Variants in TYMS observed in about 807,000 individuals in gnomAD.
TYMS encodes the protein thymidylate synthase.
A neutral mutation model predicts 39.3 loss-of-function variants in TYMS; 21 were observed. The observed-to-expected ratio is 0.54, with a 90% confidence interval of 0.38 to 0.77. TYMS has a LOEUF of 0.77. Among genes scored for constraint, TYMS ranks in the 30% least tolerant of loss-of-function variants. The pLI, the probability that TYMS is intolerant of heterozygous loss-of-function variation, is 0.00. For synonymous variants in TYMS, 171 were observed against 162.2 expected (o/e 1.05, Z -0.41); for missense variants, 273 against 406.7 (o/e 0.67, Z 2.83).
Position 670,828 on chromosome 18 carries a change from C to A in TYMS, c.693C>A (p.Ala231=), listed in dbSNP as rs1346141792. Residue 231 remains alanine, a synonymous_variant, in exon 5 of 7, where the codon GCC becomes GCA. Transcript: ENST00000323274. ...LGVPFNIASY[A]LLTYMIAHIT... The stretch of plus-strand genomic sequence containing the variant: ...TGCCTTTCAACATCGCCAGCTACGC[C>A]CTGCTCACGTACATGATTGCGCACA... 1.9e-6 allele frequency: 3 copies of A among 1,613,906 alleles called. No individual in the cohort carries two copies. The highest frequency in any genetic ancestry group is 1.3e-5 in the African/African-American group (1 of 74,866).
In TYMS at chr18:660,414, G is replaced by T. The variant is rs2074745348; in HGVS notation, c.279+700G>T. Among the ~76,000 whole-genome samples, 4 of 151,780 alleles carry T rather than the reference G, an allele frequency of 2.6e-5. No individual in the cohort carries two copies. The South Asian group carries it at 8.3e-4, about 32-fold the overall frequency. On this transcript the variant is annotated intron_variant, in intron 2 of 6. Transcript: ENST00000323274. The surrounding 1 kb of genome is among the most constrained non-coding windows in gnomAD (Gnocchi z 4.6). ...GAACATCACCATCTGATGTATGTCA[G>T]CCTTTCCCTTCCCCTGTTAGAAGGG...
At chr18:669,740 G>A (rs1205431358) in intron 4 of TYMS, among the ~76,000 whole-genome samples, 3 of 150,846 alleles carry the variant, frequency 2.0e-5, no homozygotes, top group Admixed American at 6.6e-5. Context: ...GGAAGCAGAT[G>A]AAGTTCCAGC....
chr18:658,281 G>A lies in TYMS; in HGVS notation c.205+334G>A, dbSNP rs765389767. The A allele has an allele frequency of 7.0e-7, 1 of 1,429,344 alleles. No individual in the cohort carries two copies. The highest frequency in any genetic ancestry group is 1.2e-5 in the South Asian group (1 of 82,292). The allele number at this position is 1,429,344 out of a possible 1,614,324, so 88.5% of individuals were successfully genotyped here. On this transcript the variant is annotated intron_variant, in intron 1 of 6. Transcript: ENST00000323274. This position sits in a 1 kb window ranked among gnomAD's most constrained non-coding sequence, Gnocchi z 4.5. Reference sequence around the variant, plus strand: ...GTTTGCCCAGTGCTGGAGGGTTAGGGAGAGCTGCCTGGGCTTGACCGCGCG... The same window carrying A: ...GTTTGCCCAGTGCTGGAGGGTTAGGAAGAGCTGCCTGGGCTTGACCGCGCG...
At chr18:668,424 A>G (rs991437119) in intron 3 of TYMS, among the ~76,000 whole-genome samples, 2 of 152,212 alleles carry the variant, frequency 1.3e-5, no homozygotes, top group South Asian at 2.1e-4. Flanking sequence ...AGAAGGAAGG[A>G]AAGGGATTAA....
At chr18:662,968 T>TA in intron 3 of TYMS, among the ~76,000 whole-genome samples, 1 of 146,850 alleles carries the variant, frequency 6.8e-6, no homozygotes, top group East Asian at 2.0e-4. Flanking sequence ...AGTGCCACAA[T>TA]AAACATACGT....
chr18:659,720 G>C lies in TYMS; in HGVS notation c.279+6G>C, dbSNP rs770017070. On this transcript the variant is annotated splice_donor_region_variant and intron_variant, in intron 2 of 6. Coordinates refer to ENST00000323274, the MANE Select transcript of TYMS (RefSeq NM_001071.4). The stretch of plus-strand genomic sequence containing the variant: ...AGTTGCTGTGGTTTATCAAGGTAAA[G>C]AAGTCGCTGCTATTAGAAGTCAGTA... The C allele has an allele frequency of 1.3e-5, 21 of 1,612,156 alleles. No homozygotes were observed. The East Asian group carries it at 4.7e-4, about 36-fold the overall frequency.
intron 3 of TYMS, among the ~76,000 whole-genome samples, chr18:667,992 A>ATTTTTTTTTTTTTTTTTTTTT (rs60409589): frequency 6.6e-5 from 7 of 105,364 alleles, no homozygotes; most frequent in African/African-American, 2.3e-4. Context: ...ATTCACAGGA[A>ATTTTTTTTTTTTTTTTTTTTT]TTTTTTTTTT....
rs1306585487 is a variant in TYMS, at chr18:667,547, TGATGGA to T, written c.455-1519_455-1514del. Among the ~76,000 whole-genome samples, 26 of 44,186 alleles carry T rather than the reference TGATGGA, an allele frequency of 5.9e-4. 2 individuals are homozygous for T. Among genetic ancestry groups the T allele is most frequent in the African/African-American group, 2.1e-3 (10 of 4,762 alleles). The allele number at this position is 44,186 out of a possible 152,430, so 29.0% of individuals were successfully genotyped here. A position where few individuals can be genotyped will look rare whatever the true frequency, so the allele number is the denominator to read the frequency against. On this transcript the variant is annotated intron_variant, in intron 3 of 6. Transcript: ENST00000323274. ...GTGATGGAGATGGTGATGGTGATGG[TGATGGA>T]GATGGTGATGGTGATGGAGATGGTG...
At chr18:662,367 G>C in intron 3 of TYMS, 47 bp downstream of exon 3, 1 of 1,531,896 alleles carries the variant, frequency 6.5e-7, no homozygotes, top group East Asian at 2.3e-5. Context: ...GCCCTTCCTA[G>C]CATGTGTTTG....
rs2074872356 is a variant in TYMS, at chr18:667,456, ATGATGGAGATGGT to A, written c.455-1615_455-1603del. Among the ~76,000 whole-genome samples the A allele has an allele frequency of 4.3e-3, 5 of 1,152 alleles. 2 individuals are homozygous for A. The highest frequency in any genetic ancestry group is 0.02 in the African/African-American group (4 of 202). The allele number at this position is 1,152 out of a possible 152,430, so 0.8% of individuals were successfully genotyped here. A position where few individuals can be genotyped will look rare whatever the true frequency, so the allele number is the denominator to read the frequency against. ...GATGGTGATGGTGATGGTGATGGTG[ATGATGGAGATGGT>A]GATGGTGATGGTGATGGTGATGGTG... On this transcript the variant is annotated intron_variant, in intron 3 of 6. Transcript: ENST00000323274.
At chr18:668,058 GATA>G (rs1232523851) in intron 3 of TYMS, among the ~76,000 whole-genome samples, 3 of 136,974 alleles carry the variant, frequency 2.2e-5, no homozygotes, top group South Asian at 2.4e-4. Flanking sequence ...TTCCCCCAGT[GATA>G]ATATCTTGGG....
intron 4 of TYMS, 155 bp from the exon 5 acceptor site, chr18:670,537 G>C: frequency 1.4e-6 from 1 of 728,716 alleles, no homozygotes; most frequent in Non-Finnish European, 2.2e-6. Flanking sequence ...TGCCATCGCT[G>C]CAGAGGCTGT....
intron 3 of TYMS, among the ~76,000 whole-genome samples, chr18:667,370 T>TGATGGTGATGGTGATGGTGATGGA (rs2074866461): frequency 6.8e-5 from 1 of 14,716 alleles, no homozygotes; most frequent in Admixed American, 7.4e-4. Flanking sequence ...ATGGAGATGG[T>TGATGGTGATGGTGATGGTGATGGA]GATGGTGATG....
At chr18:659,854 C>G (rs1567986517) in intron 2 of TYMS, 140 bp downstream of exon 2, 3 of 752,448 alleles carry the variant, frequency 4.0e-6, no homozygotes, top group Admixed American at 4.2e-5. Context: ...GTCAGATCAC[C>G]TGAGGTTAGG....
intron 3 of TYMS, among the ~76,000 whole-genome samples, chr18:668,018 CAG>C (rs1418292232): frequency 1.7e-4 from 12 of 71,948 alleles, no homozygotes; most frequent in Admixed American, 1.2e-3. Context: ...TTTTAATGCA[CAG>C]AAAGTTTCCC....
intron 3 of TYMS, among the ~76,000 whole-genome samples, chr18:664,676 T>C (rs2144279199): frequency 6.7e-6 from 1 of 149,390 alleles, no homozygotes; most frequent in East Asian, 2.0e-4. Flanking sequence ...GCTCTTATTA[T>C]TTTGAAATAT....
intron 4 of TYMS, chr18:669,471 C>T (rs192593413): frequency 1.8e-5 from 4 of 221,130 alleles, no homozygotes; most frequent in East Asian, 9.2e-5. Context: ...CTCCTGGGTT[C>T]GAGTGATTCT....
At chr18:659,811 C>G (rs2074737996) in intron 2 of TYMS, 97 bp downstream of exon 2, 1 of 1,099,106 alleles carries the variant, frequency 9.1e-7, no homozygotes. Flanking sequence ...TGTGGTGGCT[C>G]ACGCCTGTAA....
chr18:657,821 C>G lies in TYMS; in HGVS notation c.79C>G (p.Pro27Ala). Residue 27 changes from proline to alanine, a missense_variant, in exon 1 of 7, where the codon CCG (proline) becomes GCG (alanine). By Grantham distance (27) the Pro-to-Ala change is conservative. Coordinates refer to ENST00000323274, the MANE Select transcript of TYMS (RefSeq NM_001071.4). Reference sequence around the variant, plus strand: ...GGAGCGGGACGCCGAGCCGCGTCCGCCGCACGGGGAGCTGCAGTACCTGGG... The same window carrying G: ...GGAGCGGGACGCCGAGCCGCGTCCGGCGCACGGGGAGCTGCAGTACCTGGG... ...AQERDAEPRPPHGELQYLGQI... is the reference protein window; with the variant it reads ...AQERDAEPRPAHGELQYLGQI... The G allele has an allele frequency of 6.8e-7, 1 of 1,470,356 alleles. No homozygotes were observed. Among genetic ancestry groups the G allele is most frequent in the Non-Finnish European group, 8.9e-7 (1 of 1,118,956 alleles). 91.1% of individuals were successfully genotyped at this position (1,470,356 alleles called of 1,614,324 possible). A position where few individuals can be genotyped will look rare whatever the true frequency, so the allele number is the denominator to read the frequency against.
Sources: gnomAD v4.1 joint callset for allele counts (sites outside exome capture counted in the v4.1 genomes callset) on GRCh38, gnomAD v4.1.1 for gene constraint, Gnocchi (gnomAD v3.1) non-coding constraint, MANE v1.5 for transcripts, NCBI Gene and HGNC (gene_info 2026-07-23, HGNC 2026-07-21) for gene names.